GRM7: variants seen among roughly 807,000 people sequenced by gnomAD.
The protein encoded by GRM7 is metabotropic glutamate receptor 7.
Under a neutral mutation model 84.5 loss-of-function variants are expected in GRM7, and 35 were observed. That is an observed-to-expected ratio of 0.41 (90% CI 0.32 to 0.55). The LOEUF (loss-of-function observed/expected upper bound fraction) is 0.55, where lower values mean the gene tolerates loss of function less well. GRM7 is among the 20% of genes least tolerant of loss of function. The probability of loss-of-function intolerance (pLI) is 0.19; values close to 1 mark genes in which losing one functional copy is unlikely to be tolerated. For missense variants in GRM7, 1,003 were observed against 1,194.6 expected (o/e 0.84, Z 2.36); for synonymous variants, 487 against 455.1 (o/e 1.07, Z -0.89).
chr3:7,314,158 A>T (rs1383264001), intron 4 of GRM7, among the ~76,000 whole-genome samples: 1 of 152,140 alleles, frequency 6.6e-6, no homozygotes, highest in African/African-American at 2.4e-5. Flanking sequence ...TAATACCTCA[A>T]AGCTTAAAAT....
intron 7 of GRM7, among the ~76,000 whole-genome samples, chr3:7,542,715 T>C (rs1692947361): frequency 6.6e-6 from 1 of 152,034 alleles, no homozygotes; most frequent in South Asian, 2.1e-4. Flanking sequence ...GCCAGGCCAA[T>C]TTTTGTATTT....
At chr3:7,568,792 C>G (rs544554316) in intron 7 of GRM7, among the ~76,000 whole-genome samples, 1 of 152,248 alleles carries the variant, frequency 6.6e-6, no homozygotes, top group South Asian at 2.1e-4. Flanking sequence ...GGCCCACTGG[C>G]GCTGCGCTTG....
chr3:6,967,655 T>C (rs184140453), intron 1 of GRM7, among the ~76,000 whole-genome samples: 1 of 152,348 alleles, frequency 6.6e-6, no homozygotes, highest in Non-Finnish European at 1.5e-5. Context: ...ATTTTTCCTA[T>C]GTAGTCAATA....
chr3:7,172,833 C>T (rs977100368), intron 2 of GRM7, among the ~76,000 whole-genome samples: 9 of 151,890 alleles, frequency 5.9e-5, no homozygotes, highest in African/African-American at 1.9e-4. Context: ...TATATTGAGT[C>T]TCTAATGGAT....
intron 9 of GRM7, among the ~76,000 whole-genome samples, chr3:7,716,573 T>G (rs1701775261): frequency 6.6e-6 from 1 of 151,700 alleles, no homozygotes; most frequent in Non-Finnish European, 1.5e-5. Flanking sequence ...AGTGACTGAG[T>G]TTTTTCATAC....
chr3:7,064,896 T>A lies in GRM7; in HGVS notation c.520-81556T>A, dbSNP rs376757541. ...TATGGCCATTTTTGCAGGAGTAAAGTGGTATTGCATTGTGGTTTTGATTTA... is the reference window on the plus strand; with the variant it reads ...TATGGCCATTTTTGCAGGAGTAAAGAGGTATTGCATTGTGGTTTTGATTTA... On this transcript the variant is annotated intron_variant, in intron 1 of 9. Transcript: ENST00000357716. Among the ~76,000 whole-genome samples the A allele has an allele frequency of 4.3e-4, 66 of 151,912 alleles. No individual in the cohort carries two copies. The South Asian group carries it at 0.013, about 29-fold the overall frequency.
intron 8 of GRM7, among the ~76,000 whole-genome samples, chr3:7,654,406 T>G (rs1172162815): frequency 6.6e-6 from 1 of 152,064 alleles, no homozygotes; most frequent in African/African-American, 2.4e-5. Flanking sequence ...CATCACCCAC[T>G]CCAGTCACCA....
At chr3:7,488,847 T>C (rs980276902) in intron 7 of GRM7, among the ~76,000 whole-genome samples, 10 of 151,520 alleles carry the variant, frequency 6.6e-5, no homozygotes, top group Non-Finnish European at 1.5e-4. Flanking sequence ...AAACCACTGA[T>C]CTAGTAAGGT....
intron 1 of GRM7, among the ~76,000 whole-genome samples, chr3:7,044,253 T>C (rs768131737): frequency 3.9e-5 from 6 of 152,188 alleles, no homozygotes; most frequent in Non-Finnish European, 8.8e-5. Flanking sequence ...ATGCACCTAC[T>C]GTATGACCAT....
At chr3:7,372,069 A>T (rs575851102) in intron 4 of GRM7, among the ~76,000 whole-genome samples, 1 of 152,170 alleles carries the variant, frequency 6.6e-6, no homozygotes, top group Non-Finnish European at 1.5e-5. Context: ...TTCTGTACCT[A>T]CAGATGAGGG....
chr3:7,046,035 A>T (rs115545803), intron 1 of GRM7, among the ~76,000 whole-genome samples: 1 of 152,108 alleles, frequency 6.6e-6, no homozygotes, highest in South Asian at 2.1e-4. Flanking sequence ...TATCTTTGCC[A>T]GCACTTACCT....
At chr3:7,457,844 C>T (rs1007017376) in intron 6 of GRM7, among the ~76,000 whole-genome samples, 45 of 152,250 alleles carry the variant, frequency 3.0e-4, no homozygotes, top group African/African-American at 9.9e-4. Context: ...AGTATCCCAC[C>T]GGTTAGCCAA....
At chr3:7,443,268 A>G (rs1697367541) in intron 5 of GRM7, among the ~76,000 whole-genome samples, 1 of 152,164 alleles carries the variant, frequency 6.6e-6, no homozygotes, top group South Asian at 2.1e-4. Flanking sequence ...GCCAATTCAA[A>G]GTAAACCTCT....
At chr3:7,612,068 T>C (rs1327727614) in intron 8 of GRM7, among the ~76,000 whole-genome samples, 2 of 152,162 alleles carry the variant, frequency 1.3e-5, no homozygotes, top group African/African-American at 4.8e-5. Flanking sequence ...CTAGATGCCT[T>C]CTCACACCCT....
intron 5 of GRM7, among the ~76,000 whole-genome samples, chr3:7,417,326 G>GTT (rs1365611147): frequency 1.3e-5 from 2 of 151,904 alleles, no homozygotes; most frequent in African/African-American, 4.8e-5. Flanking sequence ...TACCATTACC[G>GTT]TATCTCTTAC....
chr3:7,726,485 A>G (rs1007566490), intron 9 of GRM7, among the ~76,000 whole-genome samples: 7 of 151,194 alleles, frequency 4.6e-5, no homozygotes, highest in African/African-American at 1.5e-4. Context: ...AGCTTTATAA[A>G]TCATTTCTCC....
intron 2 of GRM7, among the ~76,000 whole-genome samples, chr3:7,201,694 G>A (rs941597310): frequency 5.3e-5 from 8 of 152,150 alleles, no homozygotes; most frequent in African/African-American, 1.9e-4. Flanking sequence ...CATAGATGAG[G>A]AAATTAAGGC....
chr3:7,096,100 T>A (rs939813703), intron 1 of GRM7, among the ~76,000 whole-genome samples: 2 of 152,162 alleles, frequency 1.3e-5, no homozygotes, highest in Non-Finnish European at 2.9e-5. Context: ...TGAAGTTCTA[T>A]CATGCCAGTG....
intron 8 of GRM7, among the ~76,000 whole-genome samples, chr3:7,634,088 A>C (rs938694553): frequency 6.6e-6 from 1 of 152,108 alleles, no homozygotes; most frequent in African/African-American, 2.4e-5. Context: ...TGTGCTTAGC[A>C]CATGGTATTT....
Sources: gnomAD v4.1 joint callset for allele counts (sites outside exome capture counted in the v4.1 genomes callset) on GRCh38, gnomAD v4.1.1 for gene constraint, MANE v1.5 for transcripts, NCBI Gene and HGNC (gene_info 2026-07-23, HGNC 2026-07-21) for gene names.